The following SENP7 variants were observed in gnomAD, a reference collection of about 807,000 sequenced individuals.
SENP7 encodes SUMO specific peptidase 7.
SENP7 carries 64 observed loss-of-function variants against 141.2 expected under a neutral mutation model. The ratio of observed to expected loss-of-function variants is 0.45; its 90% CI spans 0.37 to 0.56. SENP7 has a LOEUF of 0.56. SENP7 is among the 20% of genes least tolerant of loss of function. The probability of loss-of-function intolerance (pLI) is 0.00; values close to 1 mark genes in which losing one functional copy is unlikely to be tolerated. For missense variants in SENP7, 1,025 were observed against 1,212.2 expected, an observed-to-expected ratio of 0.85 and a Z score of 2.29; for synonymous variants, 382 against 426.4, an observed-to-expected ratio of 0.90 and a Z score of 1.28.
chr3:101,489,516 A>G (rs1007574483), intron 3 of SENP7, among the ~76,000 whole-genome samples: 2 of 116,798 alleles, frequency 1.7e-5, no homozygotes, highest in African/African-American at 6.1e-5. Flanking sequence ...CTATTCTTAT[A>G]TCAGATAAAA....
chr3:101,509,571 AT>A (rs2065765978), intron 1 of SENP7, among the ~76,000 whole-genome samples: 1 of 152,304 alleles, frequency 6.6e-6, no homozygotes, highest in South Asian at 2.1e-4. Context: ...ACTCTATACT[AT>A]TTTTTGTGGG....
At chr3:101,364,249 A>AAAGAAAGAAAGAAAGAAAG (rs2059978619) in intron 10 of SENP7, among the ~76,000 whole-genome samples, 3 of 151,964 alleles carry the variant, frequency 2.0e-5, no homozygotes, top group Admixed American at 6.6e-5. Flanking sequence ...AGAAAGAAAG[A>AAAGAAAGAAAGAAAGAAAG]AAGAAAGAAT....
chr3:101,332,178 AC>A, intron 18 of SENP7, 69 bp from the exon 19 acceptor site: 1 of 1,425,456 alleles, frequency 7.0e-7, no homozygotes. Flanking sequence ...TTCTAGAGAT[AC>A]ATCTGAGAAA....
At chr3:101,428,618 T>C (rs1161877458) in intron 4 of SENP7, among the ~76,000 whole-genome samples, 1 of 152,204 alleles carries the variant, frequency 6.6e-6, no homozygotes, top group African/African-American at 2.4e-5. Context: ...GATGGACAGA[T>C]TGCAAAAATT....
chr3:101,410,473 C>A (rs540228452), intron 5 of SENP7, among the ~76,000 whole-genome samples: 7 of 152,278 alleles, frequency 4.6e-5, no homozygotes, highest in Admixed American at 1.3e-4. Flanking sequence ...TACTTGCACA[C>A]GTGTTTATAG....
chr3:101,398,415 ATGCCAC>A (rs1044640628), intron 6 of SENP7, among the ~76,000 whole-genome samples: 6 of 152,170 alleles, frequency 3.9e-5, no homozygotes, highest in African/African-American at 1.4e-4. Flanking sequence ...AGCCGAGATC[ATGCCAC>A]TGCACTCCAG....
At position 101,398,957 on chromosome 3, in the gene SENP7, T is replaced by A. The variant is rs771324366; in HGVS notation, c.581A>T (p.Asp194Val). Residue 194 changes from aspartate (D) to valine (V), a missense_variant, in exon 6 of 24, where the codon GAC becomes GTC. Transcript: ENST00000394095. ...PVTEGSLSDT[D>V]NLQSEQLSSS... Reference sequence around the variant, plus strand: ...AGAAAGTTGCTCTGATTGCAAGTTGTCTGTATCACTCAAACTTCCCTCAGT... The same window carrying A: ...AGAAAGTTGCTCTGATTGCAAGTTGACTGTATCACTCAAACTTCCCTCAGT... 1.2e-6 allele frequency: 2 copies of A among 1,613,876 alleles called. No individual in the cohort carries two copies. The highest frequency in any genetic ancestry group is 1.7e-6 in the Non-Finnish European group (2 of 1,179,786).
chr3:101,509,773 T>C (rs1277274792), intron 1 of SENP7, among the ~76,000 whole-genome samples: 1 of 152,200 alleles, frequency 6.6e-6, no homozygotes, highest in Admixed American at 6.5e-5. Context: ...TAGCAGTAAA[T>C]GAAGTTAAAA....
intron 6 of SENP7, among the ~76,000 whole-genome samples, chr3:101,385,713 A>G (rs1434057866): frequency 1.3e-5 from 2 of 152,222 alleles, no homozygotes; most frequent in Admixed American, 6.5e-5. Context: ...GAGCAAAGGC[A>G]GCAGCCCAGT....
At chr3:101,477,682 C>T (rs1187268853) in intron 3 of SENP7, among the ~76,000 whole-genome samples, 1 of 151,922 alleles carries the variant, frequency 6.6e-6, no homozygotes, top group African/African-American at 2.4e-5. Flanking sequence ...GACACGCCCT[C>T]TCTATTAAAA....
At chr3:101,340,974 CAGAAAGGTTCAGTATGGTA>C (rs1318328336) in intron 15 of SENP7, among the ~76,000 whole-genome samples, 1 of 152,130 alleles carries the variant, frequency 6.6e-6, no homozygotes, top group African/African-American at 2.4e-5. Context: ...CTTCTTGCGC[CAGAAAGGTTCAGTATGGTA>C]AGAGTCATCC....
chr3:101,356,316 AT>A (rs2059741608), intron 11 of SENP7, among the ~76,000 whole-genome samples: 1 of 150,530 alleles, frequency 6.6e-6, no homozygotes, highest in Admixed American at 6.6e-5. Flanking sequence ...ATAAAAAAGA[AT>A]TTCTAATATC....
chr3:101,460,134 C>T lies in SENP7; in HGVS notation c.187-1082G>A, dbSNP rs1576421225. 2.6e-5 allele frequency among the ~76,000 whole-genome samples: 4 copies of T among 152,218 alleles called. 1 individual carries two copies. In the South Asian group the frequency reaches 8.3e-4, roughly 32 times the overall value. ...TGGTTAGCAGTTGGGCATTACTCCC[C>T]AAAATGACCTCCAGATTCCATTCAC... On this transcript the variant is annotated intron_variant, in intron 3 of 23. Coordinates refer to ENST00000394095, the MANE Select transcript of SENP7 (RefSeq NM_020654.5).
In SENP7 at chr3:101,325,575, G is replaced by A. The variant is rs968296707; in HGVS notation, c.*368C>T. ...CAAGCACTGGGGCTGGCACCAGGGA[G>A]GCTTTAACTCCCCTCAGCACCCAGT... On this transcript the variant is annotated 3_prime_UTR_variant, in exon 24 of 24. Coordinates refer to ENST00000394095, the MANE Select transcript of SENP7 (RefSeq NM_020654.5). 1 of 153,452 alleles carries A rather than the reference G, an allele frequency of 6.5e-6. No homozygotes were observed. Among genetic ancestry groups the A allele is most frequent in the Admixed American group, 6.6e-5 (1 of 15,260 alleles). The allele number at this position is 153,452 out of a possible 1,614,324, so 9.5% of individuals were successfully genotyped here.
rs755595839 is a variant in SENP7, at chr3:101,458,931, A to G, written c.284+24T>C. ...CAACTTTATAGGTTAAGCCCATACT[A>G]TGTCGCACACACACATATCTTACCT... On this transcript the variant is annotated intron_variant, in intron 4 of 23. Transcript: ENST00000394095. 9 of 1,385,042 alleles carry G rather than the reference A, an allele frequency of 6.5e-6. No homozygotes were observed. In the African/African-American group the frequency reaches 1.2e-4, roughly 18 times the overall value. The allele number at this position is 1,385,042 out of a possible 1,614,324, so 85.8% of individuals were successfully genotyped here. A position where few individuals can be genotyped will look rare whatever the true frequency, so the allele number is the denominator to read the frequency against.
rs541007993 is a variant in SENP7 at position 101,506,332 on chromosome 3, A to G, written c.41-5213T>C. Among the ~76,000 whole-genome samples the G allele has an allele frequency of 1.2e-4, 19 of 152,066 alleles. No individual in the cohort carries two copies. In the East Asian group the frequency reaches 3.7e-3, roughly 29 times the overall value. ...ACAGCACCCAGCCTATTTATTTGACATAATAGTAATTATCATTGCCTGGAA... is the reference window on the plus strand; with the variant it reads ...ACAGCACCCAGCCTATTTATTTGACGTAATAGTAATTATCATTGCCTGGAA... On this transcript the variant is annotated intron_variant, in intron 1 of 23. Transcript: ENST00000394095.
intron 3 of SENP7, among the ~76,000 whole-genome samples, chr3:101,462,838 A>G (rs1354500927): frequency 6.6e-6 from 1 of 151,958 alleles, no homozygotes; most frequent in Non-Finnish European, 1.5e-5. Flanking sequence ...ACTGCACTCC[A>G]GTCTGGGCAA....
intron 4 of SENP7, among the ~76,000 whole-genome samples, chr3:101,440,603 A>G (rs1274409515): frequency 6.7e-6 from 1 of 150,088 alleles, no homozygotes. Context: ...AAAAAGAATG[A>G]GTATCAATTT....
At chr3:101,506,576 A>G (rs565011118) in intron 1 of SENP7, among the ~76,000 whole-genome samples, 7 of 152,368 alleles carry the variant, frequency 4.6e-5, no homozygotes, top group African/African-American at 1.4e-4. Context: ...AATAAAATTA[A>G]TGACAGTCCC....
Sources: allele counts gnomAD v4.1 joint callset (sites outside exome capture counted in the v4.1 genomes callset), GRCh38; gene constraint gnomAD v4.1.1; transcripts MANE v1.5; gene names NCBI Gene and HGNC (gene_info 2026-07-23, HGNC 2026-07-21).